The following SIRT5 variants were observed in gnomAD, a reference collection of about 807,000 sequenced individuals.
SIRT5 encodes NAD-dependent protein deacylase sirtuin-5, mitochondrial.
SIRT5 carries 26 observed loss-of-function variants against 40.0 expected under a neutral mutation model. That is an observed-to-expected ratio of 0.65 (90% CI 0.48 to 0.90). The LOEUF (loss-of-function observed/expected upper bound fraction) is 0.90. Among genes scored for constraint, SIRT5 ranks in the 40% least tolerant of loss-of-function variants. The pLI is 0.00. For synonymous variants in SIRT5, 146 were observed against 149.1 expected, an observed-to-expected ratio of 0.98 and a Z score of 0.15; for missense variants, 401 against 402.4, an observed-to-expected ratio of 1.00 and a Z score of 0.03.
Position 13,575,839 on chromosome 6 carries a change from T to A in SIRT5, c.-195+1095T>A, listed in dbSNP as rs1040215007. Among the ~76,000 whole-genome samples, 3 of 152,208 alleles carry A rather than the reference T, an allele frequency of 2.0e-5. No homozygotes were observed. In the East Asian group the frequency reaches 5.8e-4, roughly 29 times the overall value. On this transcript the variant is annotated intron_variant, in intron 1 of 9. Transcript: ENST00000606117. Reference sequence around the variant, plus strand: ...CCCTCTGCCAGGCCCCTGGTAACCATCATTCTACTCTGCTTCTATGAGTTC... The same window carrying A: ...CCCTCTGCCAGGCCCCTGGTAACCAACATTCTACTCTGCTTCTATGAGTTC...
At chr6:13,602,543 C>T (rs1257638214) in intron 9 of SIRT5, among the ~76,000 whole-genome samples, 2 of 149,742 alleles carry the variant, frequency 1.3e-5, no homozygotes, top group African/African-American at 2.4e-5. Context: ...GTAATCAAGA[C>T]AGTGTGGCAC....
At chr6:13,581,916 T>G (rs1213530337) in intron 2 of SIRT5, among the ~76,000 whole-genome samples, 1 of 152,194 alleles carries the variant, frequency 6.6e-6, no homozygotes, top group Non-Finnish European at 1.5e-5. Context: ...GGACTCCTGC[T>G]TGGCCACTCA....
intron 4 of SIRT5, chr6:13,589,222 C>T (rs1343359187): frequency 6.5e-6 from 1 of 152,842 alleles, no homozygotes; most frequent in African/African-American, 2.4e-5. Context: ...ACTGCAACCT[C>T]TGCCTCCCAG....
At chr6:13,608,060 T>C (rs2841516) in intron 9 of SIRT5, among the ~76,000 whole-genome samples, 120,990 of 152,140 alleles carry the variant, frequency 0.8, 48,396 homozygotes, top group African/African-American at 0.86. Context: ...TGTGCCTGGC[T>C]GAAACACTGA....
Position 13,599,286 on chromosome 6 carries a change from C to G in SIRT5, c.741+131C>G. The stretch of plus-strand genomic sequence containing the variant: ...CCTTCTCTCCTCCCTCCATTTCTTC[C>G]TTTCCTTCAAATGTATGTTGAGAGG... On this transcript the variant is annotated intron_variant, in intron 8 of 9. Transcript: ENST00000606117. 3 of 941,144 alleles carry G rather than the reference C, an allele frequency of 3.2e-6. No individual in the cohort carries two copies. The South Asian group carries it at 5.8e-5, about 18-fold the overall frequency. The allele number at this position is 941,144 out of a possible 1,614,324, so 58.3% of individuals were successfully genotyped here. A position where few individuals can be genotyped will look rare whatever the true frequency, so the allele number is the denominator to read the frequency against.
chr6:13,574,307 G>C (rs377310719), upstream of SIRT5, among the ~76,000 whole-genome samples: 2 of 152,110 alleles, frequency 1.3e-5, no homozygotes, highest in East Asian at 1.9e-4. Flanking sequence ...CCTCCCGCAG[G>C]TGCGTCTCTG....
At position 13,612,633 on chromosome 6, in the gene SIRT5, C is replaced by A. The variant is rs1324504851; in HGVS notation, c.*768C>A. 1.3e-5 allele frequency: 2 copies of A among 152,278 alleles called. No homozygotes were observed. The highest frequency in any genetic ancestry group is 4.8e-5 in the African/African-American group (2 of 41,446). 9.4% of individuals were successfully genotyped at this position (152,278 alleles called of 1,614,324 possible). A position where few individuals can be genotyped will look rare whatever the true frequency, so the allele number is the denominator to read the frequency against. ...GAGATTACGGGCATGAGCCACCGCACCCGGCTTACTGGGGGCTTTTTAACC... is the reference window on the plus strand; with the variant it reads ...GAGATTACGGGCATGAGCCACCGCAACCGGCTTACTGGGGGCTTTTTAACC... On this transcript the variant is annotated 3_prime_UTR_variant, in exon 10 of 10. Transcript: ENST00000606117.
chr6:13,599,028 C>G lies in SIRT5; in HGVS notation c.618-4C>G, dbSNP rs372231549. 6.2e-7 allele frequency: 1 copy of G among 1,613,724 alleles called. No homozygotes were observed. The highest frequency in any genetic ancestry group is 8.5e-7 in the Non-Finnish European group (1 of 1,179,846). On this transcript the variant is annotated splice_region_variant and splice_polypyrimidine_tract_variant and intron_variant, in intron 7 of 9. Transcript: ENST00000606117. ...GGGTTGGCTTAAGGATCCCATTCTT[C>G]CAGGTGTGAAGAGGCAGGCTGCGGG...
chr6:13,580,150 G>A (rs917174337), intron 2 of SIRT5, among the ~76,000 whole-genome samples: 1 of 152,176 alleles, frequency 6.6e-6, no homozygotes, highest in African/African-American at 2.4e-5. Flanking sequence ...AGTAACTTTA[G>A]GCAGCCAGAC....
intron 7 of SIRT5, among the ~76,000 whole-genome samples, chr6:13,597,281 G>A (rs969426222): frequency 4.6e-5 from 7 of 151,852 alleles, no homozygotes; most frequent in South Asian, 2.1e-4. Flanking sequence ...TGAAGCTGTC[G>A]TGCGACAGGT....
At chr6:13,578,763 A>G (rs72827001) in intron 1 of SIRT5, among the ~76,000 whole-genome samples, 1 of 151,890 alleles carries the variant, frequency 6.6e-6, no homozygotes, top group Non-Finnish European at 1.5e-5. Context: ...TTTCACTTCT[A>G]TCTTTCAGAA....
chr6:13,587,417 A>G (rs113324481), intron 3 of SIRT5, among the ~76,000 whole-genome samples: 68 of 152,318 alleles, frequency 4.5e-4, no homozygotes, highest in African/African-American at 1.5e-3. Flanking sequence ...CTGCTGCCCA[A>G]GAGAAACAGT....
At chr6:13,577,388 T>G (rs1402871174) in intron 1 of SIRT5, among the ~76,000 whole-genome samples, 1 of 152,122 alleles carries the variant, frequency 6.6e-6, no homozygotes, top group Non-Finnish European at 1.5e-5. Flanking sequence ...CCTGAAGTGG[T>G]TTTTTCTTTA....
chr6:13,575,893 A>C (rs1758566381), intron 1 of SIRT5, among the ~76,000 whole-genome samples: 1 of 152,194 alleles, frequency 6.6e-6, no homozygotes. Context: ...GTATATAAGT[A>C]AGATCATGTG....
At chr6:13,598,825 CAAAA>C (rs368964409) in intron 7 of SIRT5, among the ~76,000 whole-genome samples, 29 of 47,100 alleles carry the variant, frequency 6.2e-4, no homozygotes, top group African/African-American at 1.4e-3. Flanking sequence ...GACTCCGTCT[CAAAA>C]AAAAAAAAAA....
intron 9 of SIRT5, among the ~76,000 whole-genome samples, chr6:13,610,692 G>A (rs905436718): frequency 1.3e-5 from 2 of 152,182 alleles, no homozygotes; most frequent in Non-Finnish European, 2.9e-5. Context: ...CCCATGGCTG[G>A]CAGTAATTCC....
chr6:13,577,707 T>C (rs184843945), intron 1 of SIRT5, among the ~76,000 whole-genome samples: 11 of 148,450 alleles, frequency 7.4e-5, no homozygotes, highest in African/African-American at 2.7e-4. Flanking sequence ...TACATAGATA[T>C]TATATATCTA....
chr6:13,591,665 C>T lies in SIRT5; in HGVS notation c.250-4C>T, dbSNP rs1264331036. The T allele has an allele frequency of 1.3e-6, 2 of 1,548,142 alleles. No homozygotes were observed. Among genetic ancestry groups the T allele is most frequent in the Admixed American group, 1.9e-5 (1 of 53,656 alleles). On this transcript the variant is annotated splice_region_variant and splice_polypyrimidine_tract_variant and intron_variant, in intron 4 of 9. Coordinates refer to ENST00000606117, the MANE Select transcript of SIRT5 (RefSeq NM_012241.5). Reference sequence around the variant, plus strand: ...CTCACTCCTGCCTCCTCTCCCACTCCCAGGACCTGGCGACTCCCCTGGCCT... The same window carrying T: ...CTCACTCCTGCCTCCTCTCCCACTCTCAGGACCTGGCGACTCCCCTGGCCT...
chr6:13,600,362 T>A (rs1762213747), intron 8 of SIRT5, among the ~76,000 whole-genome samples: 1 of 152,218 alleles, frequency 6.6e-6, no homozygotes, highest in Non-Finnish European at 1.5e-5. Context: ...TAAAGAATGT[T>A]TATAAGCAAA....
Sources: gnomAD v4.1 joint callset for allele counts (sites outside exome capture counted in the v4.1 genomes callset) on GRCh38, gnomAD v4.1.1 for gene constraint, MANE v1.5 for transcripts, NCBI Gene and HGNC (gene_info 2026-07-23, HGNC 2026-07-21) for gene names.